RASGEF1A: variants seen among roughly 807,000 people sequenced by gnomAD.
RASGEF1A encodes ras-GEF domain-containing family member 1A.
A neutral mutation model predicts 56.4 loss-of-function variants in RASGEF1A; 18 were observed. The observed-to-expected ratio is 0.32, with a 90% CI of 0.22 to 0.47. RASGEF1A has a LOEUF of 0.47. Among genes scored for constraint, RASGEF1A ranks in the 20% least tolerant of loss-of-function variants. The probability of loss-of-function intolerance (pLI) is 1.00; values close to 1 mark genes in which losing one functional copy is unlikely to be tolerated. For missense variants in RASGEF1A, 422 were observed against 627.1 expected (o/e 0.67, Z 3.49); for synonymous variants, 245 against 242.6 (o/e 1.01, Z -0.09).
chr10:43,209,039 C>A (rs142010173), intron 1 of RASGEF1A: 1 of 985,516 alleles, frequency 1.0e-6, no homozygotes, highest in Non-Finnish European at 1.2e-6. Context: ...CTGCTTCCTC[C>A]TTGCCCCAAC....
intron 1 of RASGEF1A, among the ~76,000 whole-genome samples, chr10:43,227,126 G>T (rs1025889665): frequency 2.2e-4 from 34 of 152,298 alleles, no homozygotes; most frequent in African/African-American, 7.5e-4. Context: ...ATGACAGTTT[G>T]GTCTCCTTCC....
intron 2 of RASGEF1A, 119 bp from the exon 3 acceptor site, chr10:43,203,539 A>C: frequency 1.4e-6 from 2 of 1,403,442 alleles, no homozygotes; most frequent in Non-Finnish European, 9.4e-7. Context: ...TCCCGAGGCC[A>C]TGCCTTCACC....
At position 43,210,594 on chromosome 10, in the gene RASGEF1A, C is replaced by T. The variant is rs149895966; in HGVS notation, c.-6-4472G>A. 2.0e-5 allele frequency among the ~76,000 whole-genome samples: 3 copies of T among 152,372 alleles called. No homozygotes were observed. In the East Asian group the frequency reaches 5.8e-4, roughly 29 times the overall value. The stretch of plus-strand genomic sequence containing the variant: ...TGCCTGGACAACTGATTTAACTGGT[C>T]TCAGGGGCAGGAGAGGCACTGGCAT... On this transcript the variant is annotated intron_variant, in intron 1 of 12. Coordinates refer to ENST00000395810, the MANE Select transcript of RASGEF1A (RefSeq NM_145313.4).
chr10:43,199,625 A>T, intron 7 of RASGEF1A, 51 bp downstream of exon 7: 1 of 1,422,390 alleles, frequency 7.0e-7, no homozygotes, highest in Non-Finnish European at 9.9e-7. Flanking sequence ...TCAGGGTCTC[A>T]CTGGGTGTGG....
intron 4 of RASGEF1A, among the ~76,000 whole-genome samples, chr10:43,201,308 TG>T (rs964840326): frequency 6.6e-6 from 1 of 152,180 alleles, no homozygotes; most frequent in Admixed American, 6.5e-5. Flanking sequence ...TGGCTCCTCC[TG>T]GAGTACTCGG....
rs1170035943 is a variant in RASGEF1A, at chr10:43,201,868, C to T, written c.399G>A (p.Gln133=). ...EWTEAFPYDF[Q]DEKAMAELKA... is the part of the protein sequence containing the mutation. ...TCAGCTCGGCCATGGCCTTCTCATCCTGGAAGTCATAGGGGAAGGCCTCGG... is the reference window on the plus strand; with the variant it reads ...TCAGCTCGGCCATGGCCTTCTCATCTTGGAAGTCATAGGGGAAGGCCTCGG... Residue 133 remains glutamine, a synonymous_variant, in exon 4 of 13, where the codon CAG becomes CAA. Coordinates refer to ENST00000395810, the MANE Select transcript of RASGEF1A (RefSeq NM_145313.4). 3.7e-6 allele frequency: 6 copies of T among 1,612,260 alleles called. No individual in the cohort carries two copies. The highest frequency in any genetic ancestry group is 5.1e-6 in the Non-Finnish European group (6 of 1,178,974).
At chr10:43,203,753 T>C in intron 2 of RASGEF1A, 1 of 1,063,470 alleles carries the variant, frequency 9.4e-7, no homozygotes, top group East Asian at 9.5e-5. Flanking sequence ...GGCTCCATGG[T>C]GCTCGCTGCG....
chr10:43,202,419 G>A (rs1334269095), intron 3 of RASGEF1A, among the ~76,000 whole-genome samples: 1 of 152,078 alleles, frequency 6.6e-6, no homozygotes, highest in Non-Finnish European at 1.5e-5. Context: ...CCCAGCACAG[G>A]GCCTAGGGCA....
intron 1 of RASGEF1A, among the ~76,000 whole-genome samples, chr10:43,259,064 G>T (rs1429806557): frequency 6.6e-6 from 1 of 152,254 alleles, no homozygotes; most frequent in African/African-American, 2.4e-5. Flanking sequence ...CCATCAGTCA[G>T]TCCTTCCCTG....
Position 43,199,159 on chromosome 10 carries a change from C to T in RASGEF1A, c.885G>A (p.Glu295=). 1 of 1,613,572 alleles carries T rather than the reference C, an allele frequency of 6.2e-7. No individual in the cohort carries two copies. The highest frequency in any genetic ancestry group is 2.2e-5 in the East Asian group (1 of 44,852). ...VKKKHRTRML[E]FFIDVARECF... is the part of the protein sequence containing the mutation. ...ACTCCCGGGCCACATCAATGAAGAA[C>T]TCCAACATGCGGGTCCGGTGTTTCT... Residue 295 remains glutamate (E), a synonymous_variant, in exon 8 of 13, where the codon GAG becomes GAA. Transcript: ENST00000395810.
Position 43,194,719 on chromosome 10 carries a change from A to G in RASGEF1A, c.*1525T>C, listed in dbSNP as rs1839771406. The G allele has an allele frequency of 6.6e-6, 1 of 152,382 alleles. No homozygotes were observed. The highest frequency in any genetic ancestry group is 1.5e-5 in the Non-Finnish European group (1 of 68,032). The allele number at this position is 152,382 out of a possible 1,614,324, so 9.4% of individuals were successfully genotyped here. ...CTGTTTCAAGTAGGTACTAGAACTG[A>G]TCACCCGTGAAGTGCACGTGGGTGT... is the stretch of plus-strand genomic sequence containing the variant. On this transcript the variant is annotated 3_prime_UTR_variant, in exon 13 of 13. Transcript: ENST00000395810.
chr10:43,200,680 G>C lies in RASGEF1A; in HGVS notation c.668C>G (p.Thr223Ser). The stretch of plus-strand genomic sequence containing the variant: ...GGCAGCACTGACCAGCTCAATGTGA[G>C]TCAGCTGCTGGGCCAGCACCAGGGG... ...CDPLVLAQQL[T>S]HIELDRVSSI... Residue 223 changes from threonine to serine, a missense_variant, in exon 5 of 13, where the codon ACT becomes AGT. This residue lies in a region of RASGEF1A where 273 missense variants were observed against 339.9 expected (regional missense o/e 0.80). Transcript: ENST00000395810. The C allele has an allele frequency of 6.2e-7, 1 of 1,612,464 alleles. No homozygotes were observed. The highest frequency in any genetic ancestry group is 8.5e-7 in the Non-Finnish European group (1 of 1,179,942).
intron 1 of RASGEF1A, among the ~76,000 whole-genome samples, chr10:43,264,535 G>A (rs1836589986): frequency 6.6e-6 from 1 of 151,736 alleles, no homozygotes; most frequent in Non-Finnish European, 1.5e-5. Flanking sequence ...GAGGGCAGAG[G>A]AGCCGGGAGG....
intron 1 of RASGEF1A, among the ~76,000 whole-genome samples, chr10:43,231,711 T>C (rs1564537999): frequency 6.6e-6 from 1 of 152,276 alleles, no homozygotes; most frequent in Non-Finnish European, 1.5e-5. Context: ...CATTCATGTG[T>C]GACCTGACCC....
chr10:43,202,535 GC>G, intron 3 of RASGEF1A: 1 of 452,386 alleles, frequency 2.2e-6, no homozygotes. Context: ...CAGGCGCCGC[GC>G]CCCCATCCTC....
chr10:43,245,522 ACTC>A (rs1471352291), intron 1 of RASGEF1A, among the ~76,000 whole-genome samples: 3 of 152,146 alleles, frequency 2.0e-5, no homozygotes, highest in African/African-American at 4.8e-5. Context: ...TAGATGCAAA[ACTC>A]CTCAACAAAA....
intron 1 of RASGEF1A, among the ~76,000 whole-genome samples, chr10:43,225,036 C>G (rs940725455): frequency 5.3e-5 from 8 of 151,506 alleles, no homozygotes; most frequent in Non-Finnish European, 8.8e-5. Flanking sequence ...CTGTATGTGT[C>G]TGTGTGTCTC....
At chr10:43,262,202 T>A (rs1836541354) in intron 1 of RASGEF1A, among the ~76,000 whole-genome samples, 1 of 152,030 alleles carries the variant, frequency 6.6e-6, no homozygotes, top group Non-Finnish European at 1.5e-5. Flanking sequence ...TGATAAACCA[T>A]CAGAACGCGC....
chr10:43,235,685 T>A (rs1393658021), intron 1 of RASGEF1A, among the ~76,000 whole-genome samples: 1 of 152,142 alleles, frequency 6.6e-6, no homozygotes, highest in Non-Finnish European at 1.5e-5. Flanking sequence ...ATGCAGGGCC[T>A]CTGGTCCAGG....
Sources: gnomAD v4.1 joint callset for allele counts (sites outside exome capture counted in the v4.1 genomes callset) on GRCh38, gnomAD v4.1.1 for gene constraint, gnomAD v4.1.1 regional missense constraint, MANE v1.5 for transcripts, NCBI Gene and HGNC (gene_info 2026-07-23, HGNC 2026-07-21) for gene names.